Variants in KATNIP observed in about 807,000 individuals in gnomAD.
KATNIP encodes katanin interacting protein, also known as katanin-interacting protein.
Under a neutral mutation model 174.0 loss-of-function variants are expected in KATNIP, and 126 were observed. The observed-to-expected ratio is 0.72, with a 90% CI of 0.63 to 0.84. The LOEUF (loss-of-function observed/expected upper bound fraction) is 0.84, where lower values mean the gene tolerates loss of function less well. Ranked by LOEUF, KATNIP falls within the 40% of genes least tolerant of loss-of-function variation. The pLI is 0.00. For synonymous variants in KATNIP, 810 were observed against 835.7 expected (o/e 0.97, Z 0.53); for missense variants, 1,958 against 2,109.7 (o/e 0.93, Z 1.41).
At chr16:27,631,811 C>T (rs2076499111) in intron 5 of KATNIP, among the ~76,000 whole-genome samples, 1 of 152,162 alleles carries the variant, frequency 6.6e-6, no homozygotes, top group Non-Finnish European at 1.5e-5. Flanking sequence ...ACAGTGGGTG[C>T]ATATGACAAA....
At position 27,750,044 on chromosome 16, in the gene KATNIP, C is replaced by A; in HGVS notation, c.3084C>A (p.Pro1028=). Reference sequence around the variant, plus strand: ...TTTTACCAGCCTATGGGAAAGACCCCCGCGTGGTCACCAACCTCATCGACG... The same window carrying A: ...TTTTACCAGCCTATGGGAAAGACCCACGCGTGGTCACCAACCTCATCGACG... ...INILPAYGKD[P]RVVTNLIDGV... The change falls in exon 16 of 28, where the codon CCC becomes CCA. Residue 1028 remains proline, a synonymous_variant. Coordinates refer to ENST00000261588, the MANE Select transcript of KATNIP (RefSeq NM_015202.5). 1.2e-6 allele frequency: 2 copies of A among 1,614,186 alleles called. No homozygotes were observed. Among genetic ancestry groups the A allele is most frequent in the African/African-American group, 2.7e-5 (2 of 75,040 alleles).
At chr16:27,752,708 G>A (rs976589602) in intron 17 of KATNIP, among the ~76,000 whole-genome samples, 2 of 151,918 alleles carry the variant, frequency 1.3e-5, no homozygotes, top group Admixed American at 1.3e-4. Context: ...ATGCCACCAT[G>A]CCTGGCTAGT....
intron 15 of KATNIP, among the ~76,000 whole-genome samples, chr16:27,745,957 CTTTTTTTTTTTTT>C (rs759181249): frequency 1.1e-5 from 1 of 92,082 alleles, no homozygotes; most frequent in Admixed American, 1.4e-4. Context: ...AACTCCTCTG[CTTTTTTTTTTTTT>C]TTTTTTTTTT....
At chr16:27,778,150 A>C (rs2082570529) in intron 27 of KATNIP, among the ~76,000 whole-genome samples, 181 bp downstream of exon 27, 1 of 152,174 alleles carries the variant, frequency 6.6e-6, no homozygotes, top group South Asian at 2.1e-4. Context: ...GGGGAGCAAC[A>C]TGCTTCCATC....
intron 1 of KATNIP, among the ~76,000 whole-genome samples, chr16:27,563,417 T>C (rs931981903): frequency 6.6e-6 from 1 of 151,870 alleles, no homozygotes; most frequent in African/African-American, 2.4e-5. Context: ...TGTGCAGGAG[T>C]CCACTTGGGT....
intron 7 of KATNIP, among the ~76,000 whole-genome samples, chr16:27,679,706 C>T (rs1218953610): frequency 6.8e-6 from 1 of 147,670 alleles, no homozygotes; most frequent in Non-Finnish European, 1.5e-5. Flanking sequence ...GAGCCGTGAT[C>T]GTGCCACTGC....
At chr16:27,600,642 G>C (rs2075489043) in intron 2 of KATNIP, among the ~76,000 whole-genome samples, 2 of 151,020 alleles carry the variant, frequency 1.3e-5, no homozygotes, top group African/African-American at 2.4e-5. Context: ...TCGGTGTCTT[G>C]TTTTCTCTTC....
intron 3 of KATNIP, chr16:27,628,448 C>T: frequency 1.8e-6 from 1 of 555,156 alleles, no homozygotes; most frequent in Non-Finnish European, 3.2e-6. Flanking sequence ...AGAAACTTCC[C>T]TGTAGGGCCC....
intron 1 of KATNIP, among the ~76,000 whole-genome samples, chr16:27,551,433 ATGTT>A (rs2089362828): frequency 2.6e-5 from 4 of 152,206 alleles, no homozygotes; most frequent in Non-Finnish European, 5.9e-5. Flanking sequence ...GGTCAATGTA[ATGTT>A]GCTATAGAAC....
chr16:27,699,725 T>C, intron 10 of KATNIP, 126 bp downstream of exon 10: 1 of 1,242,960 alleles, frequency 8.0e-7, no homozygotes, highest in Non-Finnish European at 1.1e-6. Context: ...CAGGGCGCTT[T>C]CCTTCACACT....
chr16:27,624,080 G>T (rs1382927076), intron 3 of KATNIP, among the ~76,000 whole-genome samples: 2 of 152,154 alleles, frequency 1.3e-5, no homozygotes, highest in African/African-American at 4.8e-5. Flanking sequence ...TCAGACAAAG[G>T]TCCAGGTGAG....
chr16:27,750,732 CTT>C (rs397854747), intron 16 of KATNIP, among the ~76,000 whole-genome samples: 14 of 92,098 alleles, frequency 1.5e-4, no homozygotes, highest in Non-Finnish European at 2.5e-4. Context: ...GCGCCCAGCC[CTT>C]TTTTTTTTTT....
At chr16:27,620,465 A>G (rs1478770046) in intron 3 of KATNIP, among the ~76,000 whole-genome samples, 2 of 152,210 alleles carry the variant, frequency 1.3e-5, no homozygotes, top group Non-Finnish European at 2.9e-5. Context: ...GCAGTGAGCA[A>G]CTTGCCCGAG....
intron 2 of KATNIP, among the ~76,000 whole-genome samples, chr16:27,589,600 G>T (rs915103244): frequency 6.6e-6 from 1 of 152,138 alleles, no homozygotes; most frequent in African/African-American, 2.4e-5. Flanking sequence ...ATCTGAGACA[G>T]CCTGTCTTTC....
intron 8 of KATNIP, among the ~76,000 whole-genome samples, chr16:27,686,019 A>G (rs1180383208): frequency 6.6e-6 from 1 of 152,204 alleles, no homozygotes; most frequent in African/African-American, 2.4e-5. Flanking sequence ...GGGAAAAATC[A>G]CAGCTTCTTG....
In KATNIP at chr16:27,698,367, G is replaced by A. The variant is rs767946597; in HGVS notation, c.980G>A (p.Arg327His). The part of the protein sequence containing the change: ...SRRERPLSAT[R>H]KTLCEAEYPE... ...CGAGAGAGACCCCTGTCTGCAACCCGCAAAACTCTTTGCGAGGCTGAGTAC... is the reference window on the plus strand; with the variant it reads ...CGAGAGAGACCCCTGTCTGCAACCCACAAAACTCTTTGCGAGGCTGAGTAC... Residue 327 changes from arginine to histidine, a missense_variant, in exon 9 of 28, where the codon CGC becomes CAC. Arg to His is a conservative substitution (Grantham distance 29). This residue lies in a region of KATNIP where 1,557 missense variants were observed against 1,617.8 expected (regional missense o/e 0.96). Transcript: ENST00000261588. 146 of 1,612,606 alleles carry A rather than the reference G, an allele frequency of 9.1e-5. 1 individual carries two copies. In the Middle Eastern group the frequency reaches 2.0e-3, roughly 22 times the overall value.
intron 15 of KATNIP, among the ~76,000 whole-genome samples, chr16:27,748,277 G>A (rs2081366670): frequency 6.6e-6 from 1 of 152,178 alleles, no homozygotes; most frequent in Non-Finnish European, 1.5e-5. Flanking sequence ...CTGGCTTAAT[G>A]GCTTTTTAAA....
Position 27,754,086 on chromosome 16 carries a change from G to C in KATNIP, c.3553-87G>C, listed in dbSNP as rs1227113231. On this transcript the variant is annotated intron_variant, in intron 17 of 27. Coordinates refer to ENST00000261588, the MANE Select transcript of KATNIP (RefSeq NM_015202.5). Reference sequence around the variant, plus strand: ...CTTACCTGGGCATAGGGTGGGCAGTGGTAAATGCAGAAACAGCCAGCCAGC... The same window carrying C: ...CTTACCTGGGCATAGGGTGGGCAGTCGTAAATGCAGAAACAGCCAGCCAGC... 7 of 1,091,980 alleles carry C rather than the reference G, an allele frequency of 6.4e-6. No homozygotes were observed. The Admixed American group carries it at 1.2e-4, about 19-fold the overall frequency. The allele number at this position is 1,091,980 out of a possible 1,614,324, so 67.6% of individuals were successfully genotyped here. A position where few individuals can be genotyped will look rare whatever the true frequency, so the allele number is the denominator to read the frequency against.
rs763352253 is a variant in KATNIP, at chr16:27,677,767, A to G, written c.579A>G (p.Gln193=). 3 of 1,613,290 alleles carry G rather than the reference A, an allele frequency of 1.9e-6. No individual in the cohort carries two copies. Among genetic ancestry groups the G allele is most frequent in the Admixed American group, 1.7e-5 (1 of 60,012 alleles). Residue 193 remains glutamine, a synonymous_variant, in exon 7 of 28, where the codon CAA becomes CAG. Coordinates refer to ENST00000261588, the MANE Select transcript of KATNIP (RefSeq NM_015202.5). ...GCCTGGAACTTAGTGTAAATCTACAAAGGAAACAAAAGGATTGTTCCAGCG... is the reference window on the plus strand; with the variant it reads ...GCCTGGAACTTAGTGTAAATCTACAGAGGAAACAAAAGGATTGTTCCAGCG... The part of the protein sequence containing the change: ...RRSLELSVNL[Q]RKQKDCSSDE...
Sources: gnomAD v4.1 joint callset for allele counts (sites outside exome capture counted in the v4.1 genomes callset) on GRCh38, gnomAD v4.1.1 for gene constraint, gnomAD v4.1.1 regional missense constraint, MANE v1.5 for transcripts, NCBI Gene and HGNC (gene_info 2026-07-23, HGNC 2026-07-21) for gene names.